LRP2: variants seen among roughly 807,000 people sequenced by gnomAD.
LRP2 encodes low-density lipoprotein receptor-related protein 2.
In LRP2, 172 loss-of-function variants were observed where a neutral mutation model predicts 531.0. That is an observed-to-expected ratio of 0.32 (90% CI 0.29 to 0.37). LRP2 has a LOEUF of 0.37. Ranked by LOEUF, LRP2 falls within the 10% of genes least tolerant of loss-of-function variation. The pLI is 1.00. For synonymous variants in LRP2, 1,992 were observed against 2,027.6 expected (o/e 0.98, Z 0.47); for missense variants, 5,167 against 5,868.3 (o/e 0.88, Z 3.90).
In LRP2 at chr2:169,202,914, T is replaced by C; in HGVS notation, c.8051A>G (p.Tyr2684Cys). 2 of 1,614,086 alleles carry C rather than the reference T, an allele frequency of 1.2e-6. No homozygotes were observed. The highest frequency in any genetic ancestry group is 1.7e-6 in the Non-Finnish European group (2 of 1,179,962). Reference protein sequence around the residue: ...ECQCPHEGNWYLANNRKHCIV... With the variant: ...ECQCPHEGNWCLANNRKHCIV... ...GCAGTGCTTCCTGTTGTTGGCCAAA[T>C]ACCAGTTGCCCTCATGTGGACACTG... The change falls in exon 43 of 79, where the codon TAT (tyrosine) becomes TGT (cysteine). Residue 2684 changes from tyrosine to cysteine, a missense_variant. Transcript: ENST00000649046.
chr2:169,301,575 C>T (rs970783775), intron 4 of LRP2, among the ~76,000 whole-genome samples: 1 of 151,880 alleles, frequency 6.6e-6, no homozygotes, highest in Non-Finnish European at 1.5e-5. Context: ...CCACCAATAC[C>T]TTATGCATAT....
At chr2:169,326,083 G>C (rs191827353) in intron 1 of LRP2, among the ~76,000 whole-genome samples, 1 of 149,604 alleles carries the variant, frequency 6.7e-6, no homozygotes, top group Admixed American at 6.7e-5. Context: ...AATTGTCCTA[G>C]GATCAGTGGA....
intron 3 of LRP2, among the ~76,000 whole-genome samples, chr2:169,317,459 G>C (rs1684793628): frequency 6.6e-6 from 1 of 152,166 alleles, no homozygotes; most frequent in African/African-American, 2.4e-5. Flanking sequence ...CAGCTTTTAT[G>C]CAATCAAGAA....
intron 24 of LRP2, among the ~76,000 whole-genome samples, chr2:169,241,979 G>A (rs915933428): frequency 3.3e-5 from 5 of 152,150 alleles, no homozygotes; most frequent in African/African-American, 1.2e-4. Context: ...ATCTCACAAG[G>A]CAACAGCAAG....
rs562871347 is a variant in LRP2, at chr2:169,206,626, G to A, written c.7094C>T (p.Thr2365Ile). 3 of 1,614,020 alleles carry A rather than the reference G, an allele frequency of 1.9e-6. No homozygotes were observed. The highest frequency in any genetic ancestry group is 2.5e-6 in the Non-Finnish European group (3 of 1,180,040). ...HLCFALPGLH[T>I]PKCDCAFGTL... Reference sequence around the variant, plus strand: ...CCCAAAGGCACAGTCACATTTTGGGGTGTGCAATCCAGGCAGAGCAAAGCA... The same window carrying A: ...CCCAAAGGCACAGTCACATTTTGGGATGTGCAATCCAGGCAGAGCAAAGCA... Residue 2365 changes from threonine (T) to isoleucine (I), a missense_variant, in exon 39 of 79, where the codon ACC becomes ATC. Coordinates refer to ENST00000649046, the MANE Select transcript of LRP2 (RefSeq NM_004525.3).
rs768704165 is a variant in LRP2, at chr2:169,279,656, G to T, written c.1342-61C>A. On this transcript the variant is annotated intron_variant, in intron 11 of 78. Transcript: ENST00000649046. ...CATCACTAACTACGTGGTTTGTTTT[G>T]ATTTTTTTTAGCTATAATCAAATCA... The T allele has an allele frequency of 6.5e-6, 7 of 1,076,096 alleles. No homozygotes were observed. In the African/African-American group the frequency reaches 9.4e-5, roughly 14 times the overall value. 66.7% of individuals were successfully genotyped at this position (1,076,096 alleles called of 1,614,324 possible). A position where few individuals can be genotyped will look rare whatever the true frequency, so the allele number is the denominator to read the frequency against.
chr2:169,133,889 C>T (rs918096512), intron 76 of LRP2, among the ~76,000 whole-genome samples: 31 of 152,216 alleles, frequency 2.0e-4, no homozygotes, highest in Admixed American at 6.5e-4. Context: ...CAGCAAATTA[C>T]CTGGGCTGTA....
chr2:169,322,431 T>G (rs1162880618), intron 1 of LRP2, among the ~76,000 whole-genome samples: 1 of 152,170 alleles, frequency 6.6e-6, no homozygotes, highest in Non-Finnish European at 1.5e-5. Flanking sequence ...CCCAAATACC[T>G]TCTATAGACT....
chr2:169,354,848 G>T (rs1685947264), intron 1 of LRP2, among the ~76,000 whole-genome samples: 1 of 152,204 alleles, frequency 6.6e-6, no homozygotes, highest in South Asian at 2.1e-4. Flanking sequence ...TGTGCACCAA[G>T]ATGTGTTCTG....
chr2:169,348,354 A>G (rs989687996), intron 1 of LRP2, among the ~76,000 whole-genome samples: 7 of 152,190 alleles, frequency 4.6e-5, no homozygotes, highest in African/African-American at 1.7e-4. Flanking sequence ...ACAAGTGGCC[A>G]TGGGTCCTTT....
In LRP2 at chr2:169,191,194, T is replaced by C. The variant is rs1265023532; in HGVS notation, c.9032+638A>G. Among the ~76,000 whole-genome samples the C allele has an allele frequency of 3.3e-5, 5 of 152,250 alleles. No homozygotes were observed. In the East Asian group the frequency reaches 7.7e-4, roughly 23 times the overall value. On this transcript the variant is annotated intron_variant, in intron 48 of 78. Coordinates refer to ENST00000649046, the MANE Select transcript of LRP2 (RefSeq NM_004525.3). ...GGCCTTCCAGCCCTTCTGCATGATA[T>C]TGATCAATGTCTGCATCCTTAGTTG...
At chr2:169,335,152 C>CTATTTTCTTGTTTATGCATTTTTATGTT (rs1685369398) in intron 1 of LRP2, among the ~76,000 whole-genome samples, 2 of 152,060 alleles carry the variant, frequency 1.3e-5, no homozygotes, top group African/African-American at 2.4e-5. Flanking sequence ...TCCCAACTTG[C>CTATTTTCTTGTTTATGCATTTTTATGTT]TATTTTCTTG....
rs780532131 is a variant in LRP2, at chr2:169,290,847, C to G, written c.920G>C (p.Cys307Ser). The change falls in exon 8 of 79, where the codon TGT (cysteine) becomes TCT (serine). Residue 307 changes from cysteine to serine, a missense_variant and splice_region_variant. By Grantham distance (112) the Cys-to-Ser change is moderately radical. Coordinates refer to ENST00000649046, the MANE Select transcript of LRP2 (RefSeq NM_004525.3). ...DENNTSTGKY[C>S]SMTLCSALNC... ...CCCAGGTAAATGTCTATACTCACTACAGTATTTTCCGGTACTAGTGTTGTT... is the reference window on the plus strand; with the variant it reads ...CCCAGGTAAATGTCTATACTCACTAGAGTATTTTCCGGTACTAGTGTTGTT... The G allele has an allele frequency of 6.2e-7, 1 of 1,614,002 alleles. No individual in the cohort carries two copies. Among genetic ancestry groups the G allele is most frequent in the Non-Finnish European group, 8.5e-7 (1 of 1,179,898 alleles).
Position 169,223,220 on chromosome 2 carries a change from A to C in LRP2, c.5538+2090T>G, listed in dbSNP as rs1013750084. Among the ~76,000 whole-genome samples the C allele has an allele frequency of 1.2e-4, 18 of 152,282 alleles. 1 individual carries two copies. Among genetic ancestry groups the C allele is most frequent in the African/African-American group, 4.3e-4 (18 of 41,566 alleles). The stretch of plus-strand genomic sequence containing the variant: ...CTGTACCACACTGCATCAGGGCATA[A>C]TTAGAAACTTTTGGTTCATGTGGTT... On this transcript the variant is annotated intron_variant, in intron 33 of 78. Coordinates refer to ENST00000649046, the MANE Select transcript of LRP2 (RefSeq NM_004525.3).
chr2:169,127,386 A>T lies in LRP2; in HGVS notation c.*1277T>A, dbSNP rs1392107223. Reference sequence around the variant, plus strand: ...TCCTGCCATGGTTCCTGTTGTGCAGACTATACCCACTATTTAAGAGGAGAG... The same window carrying T: ...TCCTGCCATGGTTCCTGTTGTGCAGTCTATACCCACTATTTAAGAGGAGAG... On this transcript the variant is annotated 3_prime_UTR_variant, in exon 79 of 79. Coordinates refer to ENST00000649046, the MANE Select transcript of LRP2 (RefSeq NM_004525.3). 1 of 152,268 alleles carries T rather than the reference A, an allele frequency of 6.6e-6. No homozygotes were observed. Among genetic ancestry groups the T allele is most frequent in the Non-Finnish European group, 1.5e-5 (1 of 68,066 alleles). 9.4% of individuals were successfully genotyped at this position (152,268 alleles called of 1,614,324 possible). A position where few individuals can be genotyped will look rare whatever the true frequency, so the allele number is the denominator to read the frequency against.
chr2:169,172,943 G>A (rs902645899), intron 57 of LRP2, among the ~76,000 whole-genome samples, 153 bp downstream of exon 57: 2 of 152,166 alleles, frequency 1.3e-5, no homozygotes, highest in African/African-American at 2.4e-5. Context: ...CTACAAAAAT[G>A]TAACATGTTA....
At chr2:169,238,339 T>G (rs761312266) in intron 26 of LRP2, 37 bp from the exon 27 acceptor site, 5 of 1,384,864 alleles carry the variant, frequency 3.6e-6, no homozygotes, top group Non-Finnish European at 5.1e-6. Flanking sequence ...TCAATGATAC[T>G]GGGAGAAAAC....
At chr2:169,326,598 T>G (rs1184316715) in intron 1 of LRP2, among the ~76,000 whole-genome samples, 1 of 152,054 alleles carries the variant, frequency 6.6e-6, no homozygotes, top group Non-Finnish European at 1.5e-5. Context: ...TGCCTTGGCC[T>G]CCCAAAGTGC....
At position 169,320,857 on chromosome 2, in the gene LRP2, C is replaced by T. The variant is rs1684891571; in HGVS notation, c.107G>A (p.Gly36Glu). Residue 36 changes from glycine (G) to glutamate (E), a missense_variant, in exon 2 of 79, where the codon GGA becomes GAA. By Grantham distance (98) the Gly-to-Glu change is moderately conservative. Transcript: ENST00000649046. ...QECDSAHFRC[G>E]SGHCIPADWR... ...GTCTGCAGGGATGCAATGCCCACTTCCACAGCGAAAATGCGCACTGTCACA... is the reference window on the plus strand; with the variant it reads ...GTCTGCAGGGATGCAATGCCCACTTTCACAGCGAAAATGCGCACTGTCACA... 1 of 1,613,902 alleles carries T rather than the reference C, an allele frequency of 6.2e-7. No homozygotes were observed. The highest frequency in any genetic ancestry group is 8.5e-7 in the Non-Finnish European group (1 of 1,179,934).
Sources: allele counts gnomAD v4.1 joint callset (sites outside exome capture counted in the v4.1 genomes callset), GRCh38; gene constraint gnomAD v4.1.1; transcripts MANE v1.5; gene names NCBI Gene and HGNC (gene_info 2026-07-23, HGNC 2026-07-21).